The following GRID1 variants were observed in gnomAD, a reference collection of about 807,000 sequenced individuals.
GRID1 encodes the protein glutamate ionotropic receptor delta type subunit 1.
A neutral mutation model predicts 98.0 loss-of-function variants in GRID1; 28 were observed. The ratio of observed to expected loss-of-function variants is 0.29; its 90% CI spans 0.21 to 0.39. The LOEUF is 0.39. GRID1 is among the 10% of genes least tolerant of loss of function. The pLI, the probability that GRID1 is intolerant of heterozygous loss-of-function variation, is 1.00. For missense variants in GRID1, 1,111 were observed against 1,340.5 expected, an observed-to-expected ratio of 0.83 and a Z score of 2.67; for synonymous variants, 553 against 538.5, an observed-to-expected ratio of 1.03 and a Z score of -0.37.
At chr10:86,183,394 T>C (rs1462447796) in intron 3 of GRID1, among the ~76,000 whole-genome samples, 1 of 152,112 alleles carries the variant, frequency 6.6e-6, no homozygotes, top group African/African-American at 2.4e-5. Context: ...AGTTTCACTC[T>C]TGTTGCCCAG....
At chr10:85,791,758 A>T (rs1188853568) in intron 8 of GRID1, among the ~76,000 whole-genome samples, 3 of 152,206 alleles carry the variant, frequency 2.0e-5, no homozygotes, top group Non-Finnish European at 4.4e-5. Context: ...TACAGAGAAC[A>T]TGGTCTCTTG....
intron 2 of GRID1, among the ~76,000 whole-genome samples, chr10:86,363,553 G>A (rs1426070443): frequency 6.6e-6 from 1 of 152,154 alleles, no homozygotes; most frequent in Non-Finnish European, 1.5e-5. Flanking sequence ...ACTGAGATCA[G>A]GGGAGGTGCG....
At chr10:86,110,268 C>T (rs1037736238) in intron 4 of GRID1, among the ~76,000 whole-genome samples, 10 of 152,284 alleles carry the variant, frequency 6.6e-5, no homozygotes, top group African/African-American at 2.4e-4. Context: ...GCCACCGCCC[C>T]CGGCCTTCCA....
At chr10:86,341,027 T>G (rs930724530) in intron 2 of GRID1, among the ~76,000 whole-genome samples, 16 of 152,124 alleles carry the variant, frequency 1.1e-4, no homozygotes, top group African/African-American at 3.6e-4. Context: ...TGTAATCCCC[T>G]GGCTCTCAGA....
Position 85,647,249 on chromosome 10 carries a change from C to T in GRID1, c.2146G>A (p.Gly716Arg), listed in dbSNP as rs779959152. 63 of 1,614,226 alleles carry T rather than the reference C, an allele frequency of 3.9e-5. No individual in the cohort carries two copies. The highest frequency in any genetic ancestry group is 5.3e-5 in the African/African-American group (4 of 75,064). Reference sequence around the variant, plus strand: ...CTGGACACGCAGTTGTCAGCCCCTCCGTTCTTGCTGATGGTCCGCCAGAGT... The same window carrying T: ...CTGGACACGCAGTTGTCAGCCCCTCTGTTCTTGCTGATGGTCCGCCAGAGT... ...AELWRTISKN[G>R]GADNCVSSPS... The change falls in exon 13 of 16, where the codon GGA (glycine) becomes AGA (arginine). Residue 716 changes from glycine (G) to arginine (R), a missense_variant. Gly to Arg is a moderately radical substitution (Grantham distance 125). This residue lies in a region of GRID1 where 762 missense variants were observed against 869.1 expected (regional missense o/e 0.88). Coordinates refer to ENST00000327946, the MANE Select transcript of GRID1 (RefSeq NM_017551.3).
intron 12 of GRID1, among the ~76,000 whole-genome samples, chr10:85,718,657 G>A (rs1047365882): frequency 6.6e-6 from 1 of 152,172 alleles, no homozygotes; most frequent in Non-Finnish European, 1.5e-5. Context: ...GGAGCATTTG[G>A]GACACAGGGC....
chr10:86,212,575 G>A (rs961138022), intron 2 of GRID1, among the ~76,000 whole-genome samples: 2 of 152,218 alleles, frequency 1.3e-5, no homozygotes, highest in Non-Finnish European at 2.9e-5. Context: ...CCCCAAGGGA[G>A]TCCAGCACCT....
At chr10:86,014,801 G>A (rs960508682) in intron 4 of GRID1, among the ~76,000 whole-genome samples, 8 of 152,094 alleles carry the variant, frequency 5.3e-5, no homozygotes, top group Admixed American at 2.6e-4. Flanking sequence ...TCTCCTTCTG[G>A]TTCATGTGAC....
chr10:86,136,137 A>G (rs767684151), intron 4 of GRID1, among the ~76,000 whole-genome samples: 52 of 152,224 alleles, frequency 3.4e-4, no homozygotes, highest in Non-Finnish European at 5.9e-4. Context: ...AGTCTGCTCA[A>G]GAAGCCCATG....
intron 4 of GRID1, among the ~76,000 whole-genome samples, chr10:86,070,710 A>T (rs1843791353): frequency 6.6e-6 from 1 of 152,212 alleles, no homozygotes; most frequent in Non-Finnish European, 1.5e-5. Context: ...ACACATGCCT[A>T]CATCCACCCA....
chr10:85,906,600 C>A (rs1482977966), intron 5 of GRID1, among the ~76,000 whole-genome samples: 5 of 152,114 alleles, frequency 3.3e-5, no homozygotes, highest in Non-Finnish European at 7.4e-5. Flanking sequence ...AGAAAGATTT[C>A]TTTAAAATCC....
At chr10:85,989,034 G>A (rs78529305) in intron 4 of GRID1, among the ~76,000 whole-genome samples, 1,793 of 152,286 alleles carry the variant, frequency 0.012, 31 homozygotes, top group African/African-American at 0.041. Flanking sequence ...AGAAACAGGA[G>A]AGGCGGATTA....
At chr10:86,027,500 G>A (rs555027949) in intron 4 of GRID1, among the ~76,000 whole-genome samples, 61 of 152,354 alleles carry the variant, frequency 4.0e-4, no homozygotes, top group African/African-American at 1.1e-3. Flanking sequence ...TTGAGCAGTT[G>A]ACAAATATTT....
chr10:86,069,198 T>G (rs1019665941), intron 4 of GRID1, among the ~76,000 whole-genome samples: 1 of 152,090 alleles, frequency 6.6e-6, no homozygotes, highest in Admixed American at 6.5e-5. Flanking sequence ...GGGCCAGGTT[T>G]GCTGCAAACC....
intron 4 of GRID1, among the ~76,000 whole-genome samples, chr10:86,038,592 C>A (rs76222470): frequency 2.0e-4 from 30 of 152,370 alleles, no homozygotes; most frequent in Non-Finnish European, 3.2e-4. Context: ...TGAAACCATA[C>A]CCTGGAAGTC....
chr10:85,664,776 A>G (rs1029190541), intron 12 of GRID1, among the ~76,000 whole-genome samples: 5 of 152,192 alleles, frequency 3.3e-5, no homozygotes, highest in African/African-American at 1.2e-4. Flanking sequence ...GGAATGTTTT[A>G]TTGAGTGATG....
chr10:85,904,971 G>A (rs1841440013), intron 5 of GRID1, among the ~76,000 whole-genome samples: 1 of 151,808 alleles, frequency 6.6e-6, no homozygotes, highest in Non-Finnish European at 1.5e-5. Context: ...CAGTAATAAT[G>A]GATTAAAGTT....
At chr10:85,694,850 A>C (rs936850523) in intron 12 of GRID1, among the ~76,000 whole-genome samples, 5 of 151,814 alleles carry the variant, frequency 3.3e-5, no homozygotes, top group Admixed American at 2.0e-4. Flanking sequence ...GAAATTACTT[A>C]ATGGGTACAA....
intron 4 of GRID1, among the ~76,000 whole-genome samples, chr10:85,924,418 T>C (rs202189242): frequency 6.6e-6 from 1 of 152,172 alleles, no homozygotes; most frequent in East Asian, 1.9e-4. Context: ...GAACTTAAAG[T>C]GGAGGAATGC....
Sources: allele counts gnomAD v4.1 joint callset (sites outside exome capture counted in the v4.1 genomes callset), GRCh38; gene constraint gnomAD v4.1.1; regional missense constraint gnomAD v4.1.1; transcripts MANE v1.5; gene names NCBI Gene and HGNC (gene_info 2026-07-23, HGNC 2026-07-21).